FAM227B: variants seen among roughly 807,000 people sequenced by gnomAD.
FAM227B encodes the protein protein FAM227B.
A neutral mutation model predicts 73.8 loss-of-function variants in FAM227B; 88 were observed. The ratio of observed to expected loss-of-function variants is 1.19; its 90% CI spans 1.00 to 1.42. The LOEUF (loss-of-function observed/expected upper bound fraction) is 1.42. Among genes scored for constraint, FAM227B ranks in the 40% most tolerant of loss-of-function variants. The probability of loss-of-function intolerance (pLI) is 0.00; values close to 1 mark genes in which losing one functional copy is unlikely to be tolerated. For synonymous variants in FAM227B, 210 were observed against 190.5 expected, an observed-to-expected ratio of 1.10 and a Z score of -0.84; for missense variants, 632 against 590.9, an observed-to-expected ratio of 1.07 and a Z score of -0.72.
intron 13 of FAM227B, among the ~76,000 whole-genome samples, chr15:49,350,963 C>A (rs2042158394): frequency 6.6e-6 from 1 of 152,200 alleles, no homozygotes; most frequent in African/African-American, 2.4e-5. Flanking sequence ...GTTGTTAAGG[C>A]CACCATGTAC....
intron 10 of FAM227B, among the ~76,000 whole-genome samples, chr15:49,522,954 C>T (rs918419069): frequency 4.6e-5 from 7 of 152,138 alleles, no homozygotes; most frequent in African/African-American, 1.7e-4. Context: ...AGATTCTATA[C>T]AAAACAAGCT....
chr15:49,329,193 TA>T, intron 15 of FAM227B: 9 of 986,692 alleles, frequency 9.1e-6, no homozygotes, highest in Non-Finnish European at 1.1e-5. Flanking sequence ...TGAAAAGACT[TA>T]ATGAATTCTG....
At chr15:49,503,941 A>T (rs1019880290) in intron 11 of FAM227B, among the ~76,000 whole-genome samples, 3 of 152,120 alleles carry the variant, frequency 2.0e-5, no homozygotes, top group Non-Finnish European at 4.4e-5. Context: ...TACCCAAAGG[A>T]TTATAAATCA....
chr15:49,606,003 T>C (rs1371949202), intron 3 of FAM227B, among the ~76,000 whole-genome samples: 1 of 152,146 alleles, frequency 6.6e-6, no homozygotes, highest in Non-Finnish European at 1.5e-5. Flanking sequence ...TTCATTCTCC[T>C]TTCCCTTTCC....
chr15:49,479,597 C>CTTTTTTTTTTTTTTTT (rs1567359064), intron 11 of FAM227B, among the ~76,000 whole-genome samples: 1 of 102,078 alleles, frequency 9.8e-6, no homozygotes, highest in Admixed American at 1.1e-4. Context: ...GTTAATACCT[C>CTTTTTTTTTTTTTTTT]TGTTTTTTTT....
intron 11 of FAM227B, among the ~76,000 whole-genome samples, chr15:49,389,736 G>A (rs1238744548): frequency 6.6e-6 from 1 of 152,022 alleles, no homozygotes; most frequent in East Asian, 1.9e-4. Flanking sequence ...AAGCTTTGTT[G>A]AGAGAATATA....
At chr15:49,600,183 G>C (rs1354618675) in intron 3 of FAM227B, among the ~76,000 whole-genome samples, 7 of 152,068 alleles carry the variant, frequency 4.6e-5, no homozygotes, top group African/African-American at 1.7e-4. Context: ...TCTCTTAAAA[G>C]ATTTTGACTT....
chr15:49,463,436 C>A (rs759740364), intron 11 of FAM227B, among the ~76,000 whole-genome samples: 3 of 151,798 alleles, frequency 2.0e-5, no homozygotes, highest in Non-Finnish European at 4.4e-5. Flanking sequence ...CGCCTGTAAT[C>A]CCAGCTACTT....
intron 11 of FAM227B, among the ~76,000 whole-genome samples, chr15:49,374,645 G>A (rs971947100): frequency 6.6e-6 from 1 of 152,190 alleles, no homozygotes; most frequent in Admixed American, 6.5e-5. Context: ...CCAGGTTCAA[G>A]CGATTCTCCT....
At chr15:49,579,084 A>T (rs2075648326) in intron 5 of FAM227B, among the ~76,000 whole-genome samples, 1 of 152,206 alleles carries the variant, frequency 6.6e-6, no homozygotes, top group African/African-American at 2.4e-5. Context: ...TCATCAGAGA[A>T]ATGCAAGTCA....
At chr15:49,446,037 G>A (rs1403065428) in intron 11 of FAM227B, among the ~76,000 whole-genome samples, 19 of 151,118 alleles carry the variant, frequency 1.3e-4, no homozygotes, top group Admixed American at 1.3e-3. Context: ...TAGTTTTCTT[G>A]TACATTAAAA....
intron 11 of FAM227B, among the ~76,000 whole-genome samples, chr15:49,435,914 A>C (rs2051059321): frequency 6.6e-6 from 1 of 151,580 alleles, no homozygotes; most frequent in South Asian, 2.1e-4. Context: ...TGAGTGAATA[A>C]ATGTAAGTAT....
At chr15:49,331,744 A>G in intron 15 of FAM227B, 36 bp downstream of exon 15, 1 of 1,264,570 alleles carries the variant, frequency 7.9e-7, no homozygotes, top group Non-Finnish European at 1.2e-6. Context: ...GAAGCTAGAG[A>G]GAGAATTCTC....
At chr15:49,479,599 GTTTTTTTTTTTTT>G (rs56097665) in intron 11 of FAM227B, among the ~76,000 whole-genome samples, 42 of 63,326 alleles carry the variant, frequency 6.6e-4, no homozygotes, top group African/African-American at 2.0e-3. Context: ...TAATACCTCT[GTTTTTTTTTTTTT>G]TTTTTTTTTT....
intron 13 of FAM227B, among the ~76,000 whole-genome samples, chr15:49,358,636 C>G (rs1000008209): frequency 2.7e-5 from 4 of 149,544 alleles, no homozygotes; most frequent in Non-Finnish European, 6.0e-5. Flanking sequence ...TAGGAAGAAT[C>G]AATATCGTGA....
chr15:49,577,769 T>C (rs1301568959), intron 5 of FAM227B, 105 bp from the exon 6 acceptor site: 2 of 620,628 alleles, frequency 3.2e-6, no homozygotes, highest in Non-Finnish European at 5.5e-6. Context: ...TATAGATATA[T>C]GTATATATAT....
chr15:49,606,399 A>G (rs765675522), intron 3 of FAM227B, among the ~76,000 whole-genome samples: 1 of 152,160 alleles, frequency 6.6e-6, no homozygotes, highest in Admixed American at 6.5e-5. Context: ...TTAAAAACCT[A>G]GCTACCATTA....
At chr15:49,368,967 G>C (rs928747314) in intron 12 of FAM227B, among the ~76,000 whole-genome samples, 5 of 152,032 alleles carry the variant, frequency 3.3e-5, no homozygotes, top group African/African-American at 9.7e-5. Flanking sequence ...GTTTTTGTTT[G>C]TTTGTTTGTT....
At chr15:49,614,398 A>G (rs926340313) in intron 2 of FAM227B, among the ~76,000 whole-genome samples, 3 of 152,228 alleles carry the variant, frequency 2.0e-5, no homozygotes, top group East Asian at 3.8e-4. Context: ...AATAACTTGT[A>G]AACATTCAGA....
Sources: allele counts gnomAD v4.1 joint callset (sites outside exome capture counted in the v4.1 genomes callset), GRCh38; gene constraint gnomAD v4.1.1; transcripts MANE v1.5; gene names NCBI Gene and HGNC (gene_info 2026-07-23, HGNC 2026-07-21).